The following MEGF10 variants were observed in gnomAD, a reference collection of about 807,000 sequenced individuals.
MEGF10 encodes multiple EGF like domains 10.
Under a neutral mutation model 147.5 loss-of-function variants are expected in MEGF10, and 86 were observed. The observed-to-expected ratio is 0.58, with a 90% confidence interval of 0.49 to 0.70. The LOEUF is 0.70. MEGF10 is among the 30% of genes least tolerant of loss of function. The probability of loss-of-function intolerance (pLI) is 0.00; values close to 1 mark genes in which losing one functional copy is unlikely to be tolerated. For synonymous variants in MEGF10, 478 were observed against 525.5 expected (o/e 0.91, Z 1.24); for missense variants, 1,329 against 1,487.3 (o/e 0.89, Z 1.75).
intron 2 of MEGF10, among the ~76,000 whole-genome samples, chr5:127,335,027 T>C (rs1397030673): frequency 6.6e-6 from 1 of 152,146 alleles, no homozygotes; most frequent in Non-Finnish European, 1.5e-5. Flanking sequence ...TGCTGGGGTT[T>C]CTCCCCAGAT....
At chr5:127,434,660 A>G (rs778989516) in intron 14 of MEGF10, 27 bp from the exon 15 acceptor site, 1 of 1,590,600 alleles carries the variant, frequency 6.3e-7, no homozygotes, top group African/African-American at 1.3e-5. Flanking sequence ...TCAGAAGGAT[A>G]ACTGCTGATT....
intron 4 of MEGF10, among the ~76,000 whole-genome samples, chr5:127,369,063 A>G (rs910609819): frequency 6.6e-6 from 1 of 152,234 alleles, no homozygotes; most frequent in African/African-American, 2.4e-5. Context: ...TCTAAAGTAC[A>G]GAGCACCTCA....
At chr5:127,456,278 T>C (rs1288339227) in intron 24 of MEGF10, among the ~76,000 whole-genome samples, 2 of 152,258 alleles carry the variant, frequency 1.3e-5, no homozygotes, top group Non-Finnish European at 2.9e-5. Context: ...AGCAGTAATA[T>C]TCTCTGATGT....
At chr5:127,403,618 C>A (rs1187126589) in intron 8 of MEGF10, among the ~76,000 whole-genome samples, 3 of 152,128 alleles carry the variant, frequency 2.0e-5, no homozygotes, top group Non-Finnish European at 4.4e-5. Context: ...CTCTGGTAAC[C>A]ATTCTTCTAC....
the MEGF10 span, among the ~76,000 whole-genome samples, chr5:127,257,256 T>C: frequency 6.6e-6 from 1 of 151,628 alleles, no homozygotes; most frequent in Non-Finnish European, 1.5e-5. Context: ...TTCCTGGCTA[T>C]TTGATGAGAT....
At chr5:127,305,384 G>A (rs1759965612) in intron 1 of MEGF10, among the ~76,000 whole-genome samples, 1 of 152,162 alleles carries the variant, frequency 6.6e-6, no homozygotes, top group Non-Finnish European at 1.5e-5. Flanking sequence ...GTGAGGGGAG[G>A]CTGAGTAGCA....
chr5:127,397,505 T>C (rs956214025), intron 6 of MEGF10, among the ~76,000 whole-genome samples: 1 of 152,124 alleles, frequency 6.6e-6, no homozygotes, highest in East Asian at 1.9e-4. Flanking sequence ...AAGTAAGAGA[T>C]AGAAAAATCC....
intron 5 of MEGF10, among the ~76,000 whole-genome samples, chr5:127,372,812 T>G (rs1762893828): frequency 6.6e-6 from 1 of 152,208 alleles, no homozygotes; most frequent in Non-Finnish European, 1.5e-5. Context: ...ATCACTTGGT[T>G]AACCTTCATC....
chr5:127,344,820 C>T (rs901276115), intron 4 of MEGF10, among the ~76,000 whole-genome samples: 4 of 152,162 alleles, frequency 2.6e-5, no homozygotes, highest in African/African-American at 9.7e-5. Context: ...CTTACACATG[C>T]GGTGATTCTG....
chr5:127,411,121 G>A (rs1056657008), intron 9 of MEGF10, among the ~76,000 whole-genome samples: 4 of 152,042 alleles, frequency 2.6e-5, no homozygotes, highest in African/African-American at 9.7e-5. Context: ...TATCTTTTTC[G>A]AATTGATTAC....
the MEGF10 span, among the ~76,000 whole-genome samples, chr5:127,230,747 C>T: frequency 6.6e-6 from 1 of 152,122 alleles, no homozygotes; most frequent in African/African-American, 2.4e-5. Flanking sequence ...TTTGCCAATA[C>T]CACGTAGGTT....
chr5:127,366,165 G>A (rs1762645154), intron 4 of MEGF10, among the ~76,000 whole-genome samples: 1 of 152,096 alleles, frequency 6.6e-6, no homozygotes, highest in Non-Finnish European at 1.5e-5. Context: ...TGGTGGTGGT[G>A]TGGGCGTCTG....
chr5:127,460,232 A>G lies in MEGF10; in HGVS notation c.*2914A>G, dbSNP rs985085564. 2.0e-5 allele frequency: 3 copies of G among 152,236 alleles called. No individual in the cohort carries two copies. Among genetic ancestry groups the G allele is most frequent in the Non-Finnish European group, 4.4e-5 (3 of 68,038 alleles). The allele number at this position is 152,236 out of a possible 1,614,324, so 9.4% of individuals were successfully genotyped here. On this transcript the variant is annotated 3_prime_UTR_variant, in exon 25 of 25. Transcript: ENST00000503335. ...TAGAAGTTGATGTATCAGAAAATTT[A>G]TAAGTTATTTGTATTTATATATAAG... is the stretch of plus-strand genomic sequence containing the variant.
chr5:127,252,919 C>T, the MEGF10 span, among the ~76,000 whole-genome samples: 1 of 151,474 alleles, frequency 6.6e-6, no homozygotes, highest in Non-Finnish European at 1.5e-5. Context: ...TTTTTTGAGA[C>T]AGAGTGATGA....
intron 11 of MEGF10, among the ~76,000 whole-genome samples, 188 bp downstream of exon 11, chr5:127,419,428 A>G (rs554692949): frequency 6.6e-6 from 1 of 152,130 alleles, no homozygotes; most frequent in Non-Finnish European, 1.5e-5. Context: ...CTCACATTAG[A>G]TGATCTCTGA....
At chr5:127,320,422 A>G (rs1322040151) in intron 1 of MEGF10, among the ~76,000 whole-genome samples, 3 of 152,170 alleles carry the variant, frequency 2.0e-5, no homozygotes, top group Non-Finnish European at 2.9e-5. Context: ...TTCTCCAACC[A>G]TTAGGGTCAG....
At chr5:127,328,146 G>A (rs1282456321) in intron 1 of MEGF10, among the ~76,000 whole-genome samples, 1 of 152,026 alleles carries the variant, frequency 6.6e-6, no homozygotes, top group African/African-American at 2.4e-5. Flanking sequence ...CAGCTTATTG[G>A]CATATTTGTG....
intron 22 of MEGF10, among the ~76,000 whole-genome samples, chr5:127,450,963 T>C (rs1224689382): frequency 6.6e-6 from 1 of 152,128 alleles, no homozygotes; most frequent in African/African-American, 2.4e-5. Context: ...TTCTCCATGT[T>C]GGCCAGGCTG....
intron 22 of MEGF10, 80 bp from the exon 23 acceptor site, chr5:127,454,486 T>A: frequency 3.8e-6 from 5 of 1,314,486 alleles, no homozygotes; most frequent in Non-Finnish European, 5.3e-6. Flanking sequence ...GGAGATCCTC[T>A]TCCAGGACCT....
Sources: gnomAD v4.1 joint callset for allele counts (sites outside exome capture counted in the v4.1 genomes callset) on GRCh38, gnomAD v4.1.1 for gene constraint, MANE v1.5 for transcripts, NCBI Gene and HGNC (gene_info 2026-07-23, HGNC 2026-07-21) for gene names.